COL5A1: variants seen among roughly 807,000 people sequenced by gnomAD.
The protein encoded by COL5A1 is collagen alpha-1(V) chain.
In COL5A1, 16 loss-of-function variants were observed where a neutral mutation model predicts 263.7. That is an observed-to-expected ratio of 0.06 (90% CI 0.04 to 0.09). The LOEUF is 0.09. Among genes scored for constraint, COL5A1 ranks in the 10% least tolerant of loss-of-function variants. The pLI is 1.00. For synonymous variants in COL5A1, 1,012 were observed against 1,004.5 expected (o/e 1.01, Z -0.14); for missense variants, 2,036 against 2,540.5 (o/e 0.80, Z 4.27).
At chr9:134,646,851 C>A (rs943437907) in intron 1 of COL5A1, among the ~76,000 whole-genome samples, 1 of 152,152 alleles carries the variant, frequency 6.6e-6, no homozygotes, top group Non-Finnish European at 1.5e-5. Flanking sequence ...CGGTGTGAGG[C>A]TGGAGCTGAG....
rs772133346 is a variant in COL5A1 at position 134,754,372 on chromosome 9, C to T, written c.1827+46C>T. ...TGGTTTAGTGACAGCAGCTTGGGCG[C>T]TGGAGGAGCCCAAATCTGGGGTGCG... On this transcript the variant is annotated intron_variant, in intron 16 of 65. Coordinates refer to ENST00000371817, the MANE Select transcript of COL5A1 (RefSeq NM_000093.5). The surrounding 1 kb of genome is among the most constrained non-coding windows in gnomAD (Gnocchi z 4.3). The T allele has an allele frequency of 9.9e-6, 16 of 1,610,326 alleles. No homozygotes were observed. Among genetic ancestry groups the T allele is most frequent in the Middle Eastern group, 1.7e-4 (1 of 6,058 alleles).
chr9:134,657,608 G>T (rs1332072484), intron 1 of COL5A1, among the ~76,000 whole-genome samples: 2 of 114,288 alleles, frequency 1.7e-5, no homozygotes, highest in East Asian at 2.8e-4. Context: ...TGGGTTGGGG[G>T]TGTAGTTTAT....
rs115436637 is a variant in COL5A1, at chr9:134,664,000, C to A, written c.109+21704C>A. On this transcript the variant is annotated intron_variant, in intron 1 of 65. Transcript: ENST00000371817. ...TTGGGGGTGCTGGGCAAGCAGCAGA[C>A]CCCCTGCCCACCCTCGGGAATCAGT... is the stretch of plus-strand genomic sequence containing the variant. 7.2e-3 allele frequency among the ~76,000 whole-genome samples: 1,099 copies of A among 152,280 alleles called. 15 individuals are homozygous for A. Among genetic ancestry groups the A allele is most frequent in the African/African-American group, 0.025 (1,042 of 41,560 alleles).
rs546588127 is a variant in COL5A1, at chr9:134,808,741, T to C, written c.3367-442T>C. Among the ~76,000 whole-genome samples the C allele has an allele frequency of 2.0e-5, 3 of 152,326 alleles. No homozygotes were observed. The South Asian group carries it at 6.2e-4, about 32-fold the overall frequency. On this transcript the variant is annotated intron_variant, in intron 42 of 65. Transcript: ENST00000371817. ...GTGAGCATGCATGTCCTTGTGTGTGTGTGCAGGGAGAGTGTCTGCAGAGAA... is the reference window on the plus strand; with the variant it reads ...GTGAGCATGCATGTCCTTGTGTGTGCGTGCAGGGAGAGTGTCTGCAGAGAA...
At chr9:134,809,125 T>C in intron 42 of COL5A1, 58 bp from the exon 43 acceptor site, 2 of 1,385,792 alleles carry the variant, frequency 1.4e-6, no homozygotes, top group Non-Finnish European at 2.0e-6. Context: ...AATGAGCTGG[T>C]GGGGGGATGT....
In COL5A1 at chr9:134,681,655, C is replaced by T. The variant is rs914403573; in HGVS notation, c.110-9257C>T. On this transcript the variant is annotated intron_variant, in intron 1 of 65. Coordinates refer to ENST00000371817, the MANE Select transcript of COL5A1 (RefSeq NM_000093.5). The surrounding 1 kb of genome is among the most constrained non-coding windows in gnomAD (Gnocchi z 4.3). ...GCAGCCCCAGCATGGCACCAGCCTG[C>T]GAGTGACCATGCTCACCTGCCCTGT... Among the ~76,000 whole-genome samples, 4 of 152,160 alleles carry T rather than the reference C, an allele frequency of 2.6e-5. No homozygotes were observed. Among genetic ancestry groups the T allele is most frequent in the Non-Finnish European group, 5.9e-5 (4 of 68,034 alleles).
At chr9:134,667,229 C>T (rs1321600589) in intron 1 of COL5A1, among the ~76,000 whole-genome samples, 2 of 152,220 alleles carry the variant, frequency 1.3e-5, no homozygotes, top group Non-Finnish European at 2.9e-5. Flanking sequence ...TGGATGCACA[C>T]ACATTGTACC....
chr9:134,794,736 A>T lies in COL5A1; in HGVS notation c.2701-346A>T, dbSNP rs1338124816. The stretch of plus-strand genomic sequence containing the variant: ...CCCTGCTGAGGACAGAGAGAGAAAG[A>T]GAGATGAGGAGGAGGGGAAGGAGGG... On this transcript the variant is annotated intron_variant, in intron 32 of 65. Transcript: ENST00000371817. This position sits in a 1 kb window ranked among gnomAD's most constrained non-coding sequence, Gnocchi z 4.3. Among the ~76,000 whole-genome samples the T allele has an allele frequency of 1.3e-5, 2 of 152,140 alleles. No individual in the cohort carries two copies. The highest frequency in any genetic ancestry group is 4.8e-5 in the African/African-American group (2 of 41,448).
rs1043978049 is a variant in COL5A1 at position 134,677,504 on chromosome 9, C to T, written c.110-13408C>T. Among the ~76,000 whole-genome samples, 1 of 152,146 alleles carries T rather than the reference C, an allele frequency of 6.6e-6. No individual in the cohort carries two copies. Among genetic ancestry groups the T allele is most frequent in the Admixed American group, 6.5e-5 (1 of 15,282 alleles). On this transcript the variant is annotated intron_variant, in intron 1 of 65. Coordinates refer to ENST00000371817, the MANE Select transcript of COL5A1 (RefSeq NM_000093.5). This position sits in a 1 kb window ranked among gnomAD's most constrained non-coding sequence, Gnocchi z 4.4. ...GAGGCCATGTGCAAATGCTCAGGTT[C>T]GTGGAGCCAGGCTCTTGCCCCTGAT...
At position 134,691,048 on chromosome 9, in the gene COL5A1, G is replaced by T. The variant is rs777607116; in HGVS notation, c.246G>T (p.Gln82His). The change falls in exon 2 of 66, where the codon CAG becomes CAT. Residue 82 changes from glutamine to histidine, a missense_variant. This residue lies in a region of COL5A1 where 600 missense variants were observed against 634.5 expected (regional missense o/e 0.95). Transcript: ENST00000371817. ...DVAYRVTKDA[Q>H]LSAPTKQLYP... The stretch of plus-strand genomic sequence containing the variant: ...CTTACAGAGTCACCAAAGACGCGCA[G>T]CTCAGCGCACCCACCAAGCAGCTGT... 2 of 1,613,548 alleles carry T rather than the reference G, an allele frequency of 1.2e-6. No homozygotes were observed. Among genetic ancestry groups the T allele is most frequent in the Non-Finnish European group, 1.7e-6 (2 of 1,180,052 alleles).
Position 134,696,047 on chromosome 9 carries a change from C to T in COL5A1, c.278-3862C>T, listed in dbSNP as rs1199813717. Among the ~76,000 whole-genome samples, 1 of 152,200 alleles carries T rather than the reference C, an allele frequency of 6.6e-6. No homozygotes were observed. The highest frequency in any genetic ancestry group is 1.9e-4 in the East Asian group (1 of 5,190). On this transcript the variant is annotated intron_variant, in intron 2 of 65. Coordinates refer to ENST00000371817, the MANE Select transcript of COL5A1 (RefSeq NM_000093.5). This position sits in a 1 kb window ranked among gnomAD's most constrained non-coding sequence, Gnocchi z 4.3. ...CCCCTCCTGGGCTGCCAGGGTCCAG[C>T]TGAAACCTCAGCCGCCCCCCAGGTT...
At chr9:134,762,418 C>T (rs1836488468) in intron 19 of COL5A1, among the ~76,000 whole-genome samples, 1 of 152,222 alleles carries the variant, frequency 6.6e-6, no homozygotes, top group Non-Finnish European at 1.5e-5. Flanking sequence ...TTGGAAATAA[C>T]CCTCTGTGGG....
At chr9:134,734,852 G>A (rs1835041028) in intron 9 of COL5A1, among the ~76,000 whole-genome samples, 1 of 152,190 alleles carries the variant, frequency 6.6e-6, no homozygotes, top group Non-Finnish European at 1.5e-5. Context: ...CCAGATGGGT[G>A]GACCCTCCAT....
intron 43 of COL5A1, 128 bp downstream of exon 43, chr9:134,809,418 C>T (rs1422461876): frequency 1.3e-6 from 1 of 748,326 alleles, no homozygotes; most frequent in Non-Finnish European, 2.4e-6. Flanking sequence ...ATGCCACACC[C>T]ACCCCGCAGT....
At chr9:134,784,907 T>C in intron 29 of COL5A1, 82 bp from the exon 30 acceptor site, 1 of 1,197,838 alleles carries the variant, frequency 8.3e-7, no homozygotes, top group Non-Finnish European at 1.2e-6. Flanking sequence ...CCTGTCCCCT[T>C]GCTCCTTGCT....
At chr9:134,708,419 C>T (rs1318639731) in intron 4 of COL5A1, 9 of 371,644 alleles carry the variant, frequency 2.4e-5, no homozygotes, top group East Asian at 6.5e-5. Flanking sequence ...GAGCAACTCC[C>T]GGGGTGGGGG....
At chr9:134,800,574 G>A (rs983078600) in intron 37 of COL5A1, among the ~76,000 whole-genome samples, 4 of 151,914 alleles carry the variant, frequency 2.6e-5, no homozygotes, top group Admixed American at 1.3e-4. Flanking sequence ...GTGAAACCCC[G>A]TCTCTACTAA....
intron 2 of COL5A1, among the ~76,000 whole-genome samples, chr9:134,695,966 G>A (rs1028893637): frequency 4.6e-5 from 7 of 152,030 alleles, no homozygotes; most frequent in East Asian, 3.9e-4. Context: ...GGGCTGCCTC[G>A]GTGCCCCTGG....
intron 1 of COL5A1, among the ~76,000 whole-genome samples, chr9:134,687,480 A>G (rs912422211): frequency 2.0e-5 from 3 of 151,836 alleles, no homozygotes; most frequent in African/African-American, 7.3e-5. Context: ...CCATTCATCC[A>G]TCCATCCATC....
Sources: gnomAD v4.1 joint callset for allele counts (sites outside exome capture counted in the v4.1 genomes callset) on GRCh38, gnomAD v4.1.1 for gene constraint, gnomAD v4.1.1 regional missense constraint, Gnocchi (gnomAD v3.1) non-coding constraint, MANE v1.5 for transcripts, NCBI Gene and HGNC (gene_info 2026-07-23, HGNC 2026-07-21) for gene names.